The following COL24A1 variants were observed in gnomAD, a reference collection of about 807,000 sequenced individuals.
The protein encoded by COL24A1 is collagen type XXIV alpha 1 chain, also known as collagen alpha-1(XXIV) chain.
COL24A1 carries 224 observed loss-of-function variants against 253.9 expected under a neutral mutation model. The observed-to-expected ratio is 0.88, with a 90% CI of 0.79 to 0.99. The LOEUF is 0.99. COL24A1 is among the 50% of genes least tolerant of loss of function. COL24A1 has a pLI of 0.00. For synonymous variants in COL24A1, 685 were observed against 673.7 expected (o/e 1.02, Z -0.26); for missense variants, 2,131 against 2,068.5 (o/e 1.03, Z -0.59).
At chr1:86,152,005 C>T (rs779098760) in intron 1 of COL24A1, among the ~76,000 whole-genome samples, 38 of 152,312 alleles carry the variant, frequency 2.5e-4, no homozygotes, top group South Asian at 4.1e-4. Flanking sequence ...TTCTCTAAGT[C>T]ATGACAGCTT....
chr1:85,926,781 C>T (rs558464694), intron 24 of COL24A1, among the ~76,000 whole-genome samples: 25 of 151,842 alleles, frequency 1.6e-4, no homozygotes, highest in African/African-American at 5.6e-4. Context: ...CAAACCTGCA[C>T]GTTGTGCACA....
Position 86,125,500 on chromosome 1 carries a change from A to G in COL24A1, c.836T>C (p.Leu279Pro). 1 of 1,613,692 alleles carries G rather than the reference A, an allele frequency of 6.2e-7. No homozygotes were observed. Among genetic ancestry groups the G allele is most frequent in the Non-Finnish European group, 8.5e-7 (1 of 1,179,794 alleles). The change falls in exon 3 of 60, where the codon CTG becomes CCG. Residue 279 changes from leucine (L) to proline (P), a missense_variant. Physicochemically the swap from Leu to Pro is moderately conservative, Grantham distance 98. Transcript: ENST00000370571. ...PPPKLFAEKV[L>P]SEDTFTEGKS... ...GCCTTCAGTAAATGTATCCTCTGAC[A>G]GTACTTTTTCAGCAAATAGTTTGGG...
intron 43 of COL24A1, among the ~76,000 whole-genome samples, chr1:85,836,872 C>T (rs1437904026): frequency 6.6e-6 from 1 of 152,138 alleles, no homozygotes; most frequent in Non-Finnish European, 1.5e-5. Flanking sequence ...ACTGATTGTC[C>T]AGAAAACGCC....
intron 43 of COL24A1, among the ~76,000 whole-genome samples, chr1:85,829,308 G>T (rs553931492): frequency 6.6e-6 from 1 of 151,860 alleles, no homozygotes; most frequent in Admixed American, 6.6e-5. Context: ...AGTCTGATGG[G>T]CTTTCCTTTG....
chr1:85,896,474 G>A (rs1683739101), intron 28 of COL24A1, 65 bp from the exon 29 acceptor site: 1 of 1,331,906 alleles, frequency 7.5e-7, no homozygotes, highest in Non-Finnish European at 1.1e-6. Context: ...TAACAGTTAT[G>A]TGTCCTCACA....
intron 24 of COL24A1, among the ~76,000 whole-genome samples, chr1:85,950,670 A>G (rs1402852335): frequency 1.3e-5 from 2 of 152,180 alleles, no homozygotes; most frequent in South Asian, 2.1e-4. Context: ...ACCCTTCATG[A>G]TTTAGTTTTT....
At chr1:86,033,283 A>C (rs1315043305) in intron 13 of COL24A1, among the ~76,000 whole-genome samples, 3 of 152,188 alleles carry the variant, frequency 2.0e-5, no homozygotes, top group Non-Finnish European at 4.4e-5. Flanking sequence ...ATCTTATGAA[A>C]AGAATATGTG....
intron 18 of COL24A1, among the ~76,000 whole-genome samples, chr1:86,021,312 A>T (rs1697521483): frequency 6.6e-6 from 1 of 152,122 alleles, no homozygotes; most frequent in Non-Finnish European, 1.5e-5. Context: ...TTCTATCTGT[A>T]ATCACCTTTA....
chr1:86,143,906 T>A (rs1651502917), intron 2 of COL24A1, among the ~76,000 whole-genome samples: 1 of 152,130 alleles, frequency 6.6e-6, no homozygotes, highest in Non-Finnish European at 1.5e-5. Flanking sequence ...TCAGCAGTAT[T>A]AATATAAATA....
In COL24A1 at chr1:86,057,969, C is replaced by A. The variant is rs1700782027; in HGVS notation, c.1813G>T (p.Ala605Ser). ...GGACCTGGATTACCTTCTGGTCCAGCTAAACCCTGGTGTAAACAAAAGACA... is the reference window on the plus strand; with the variant it reads ...GGACCTGGATTACCTTCTGGTCCAGATAAACCCTGGTGTAAACAAAAGACA... ...SPGYPGRQGL[A>S]GPEGNPGPKG... Residue 605 changes from alanine (A) to serine (S), a missense_variant, in exon 10 of 60, where the codon GCT becomes TCT. Transcript: ENST00000370571. The A allele has an allele frequency of 3.1e-6, 5 of 1,612,768 alleles. No individual in the cohort carries two copies. The highest frequency in any genetic ancestry group is 3.4e-6 in the Non-Finnish European group (4 of 1,179,222).
chr1:86,022,571 TC>T lies in COL24A1; in HGVS notation c.2168del (p.Gly723GlufsTer3). On this transcript the variant is annotated frameshift_variant, in exon 17 of 60. Transcript: ENST00000370571. LOFTEE classifies it high-confidence loss of function. ...KGDKGEQGTAGELGEPGYPGD... is the reference protein window; with the variant it reads ...KGDKGEQGTAXELGEPGYPGD... Reference sequence around the variant, plus strand: ...CAGGATACCCGGGTTCTCCTAGCTCTCCTGCTGTGCCTTGTTCACCCTGGAA... The same window carrying T: ...CAGGATACCCGGGTTCTCCTAGCTCTCTGCTGTGCCTTGTTCACCCTGGAA... The T allele has an allele frequency of 6.2e-7, 1 of 1,613,118 alleles. No individual in the cohort carries two copies. Among genetic ancestry groups the T allele is most frequent in the Non-Finnish European group, 8.5e-7 (1 of 1,179,492 alleles).
At chr1:85,896,316 A>T in intron 29 of COL24A1, 40 bp downstream of exon 29, 1 of 1,559,688 alleles carries the variant, frequency 6.4e-7, no homozygotes, top group Non-Finnish European at 8.8e-7. Context: ...GATCTCAATA[A>T]AATTTAACTA....
In COL24A1 at chr1:85,864,627, A is replaced by G. The variant is rs917330235; in HGVS notation, c.3300+3892T>C. On this transcript the variant is annotated intron_variant, in intron 37 of 59. Transcript: ENST00000370571. ...TATCATTCTTTTCTAACTATTGATAATCTTCTCATCTTTATGACTTCACTT... is the reference window on the plus strand; with the variant it reads ...TATCATTCTTTTCTAACTATTGATAGTCTTCTCATCTTTATGACTTCACTT... Among the ~76,000 whole-genome samples the G allele has an allele frequency of 1.1e-4, 17 of 152,150 alleles. 1 individual carries two copies. The highest frequency in any genetic ancestry group is 1.1e-3 in the Admixed American group (17 of 15,260).
Position 86,156,713 on chromosome 1 carries a change from G to T in COL24A1, c.-317C>A, listed in dbSNP as rs1030405340. The T allele has an allele frequency of 2.0e-5, 5 of 248,014 alleles. No homozygotes were observed. The Admixed American group carries it at 2.8e-4, about 14-fold the overall frequency. 15.4% of individuals were successfully genotyped at this position (248,014 alleles called of 1,614,324 possible). On this transcript the variant is annotated 5_prime_UTR_variant, in exon 1 of 60. Transcript: ENST00000370571. ...CGGGGCGCCGGCGGCAGCGGGAGCCGGGCTGCTAGTGCAGCACTCAAGTTC... is the reference window on the plus strand; with the variant it reads ...CGGGGCGCCGGCGGCAGCGGGAGCCTGGCTGCTAGTGCAGCACTCAAGTTC...
chr1:86,092,964 G>A (rs1483105699), intron 5 of COL24A1, among the ~76,000 whole-genome samples: 1 of 151,940 alleles, frequency 6.6e-6, no homozygotes, highest in Non-Finnish European at 1.5e-5. Flanking sequence ...ATGATGCATA[G>A]TAGCAAAGTA....
At chr1:85,734,517 T>A (rs1179501381) in intron 59 of COL24A1, among the ~76,000 whole-genome samples, 1 of 152,216 alleles carries the variant, frequency 6.6e-6, no homozygotes, top group Non-Finnish European at 1.5e-5. Context: ...TCTTAACACC[T>A]GTTTTGCATG....
chr1:85,961,223 A>T, intron 24 of COL24A1, 26 bp downstream of exon 24: 1 of 1,537,520 alleles, frequency 6.5e-7, no homozygotes, highest in Non-Finnish European at 9.0e-7. Flanking sequence ...AGCTGATTAA[A>T]AAATAAGAGC....
chr1:85,773,339 T>C (rs1668175489), intron 53 of COL24A1, among the ~76,000 whole-genome samples: 1 of 152,208 alleles, frequency 6.6e-6, no homozygotes. Flanking sequence ...CCCAGGATTG[T>C]CTTGGCTATG....
chr1:86,059,882 C>T (rs1305409150), intron 8 of COL24A1, among the ~76,000 whole-genome samples: 1 of 152,068 alleles, frequency 6.6e-6, no homozygotes, highest in Non-Finnish European at 1.5e-5. Flanking sequence ...AATAAAAAGT[C>T]AGCAGTCTGT....
Sources: gnomAD v4.1 joint callset for allele counts (sites outside exome capture counted in the v4.1 genomes callset) on GRCh38, gnomAD v4.1.1 for gene constraint, MANE v1.5 for transcripts, NCBI Gene and HGNC (gene_info 2026-07-23, HGNC 2026-07-21) for gene names.